Variants in DARS2 observed in about 807,000 individuals in gnomAD.
The protein encoded by DARS2 is aspartate--tRNA ligase, mitochondrial.
Under a neutral mutation model 83.0 loss-of-function variants are expected in DARS2, and 63 were observed. That is an observed-to-expected ratio of 0.76 (90% CI 0.62 to 0.94). The LOEUF is 0.94. DARS2 is among the 40% of genes least tolerant of loss of function. DARS2 has a pLI of 0.00. For synonymous variants in DARS2, 250 were observed against 269.3 expected, an observed-to-expected ratio of 0.93 and a Z score of 0.70; for missense variants, 675 against 774.4, an observed-to-expected ratio of 0.87 and a Z score of 1.52.
Position 173,828,409 on chromosome 1 carries a change from A to C in DARS2, c.294+10A>C, listed in dbSNP as rs1315280508. 6.2e-7 allele frequency: 1 copy of C among 1,610,526 alleles called. No individual in the cohort carries two copies. The highest frequency in any genetic ancestry group is 1.3e-5 in the African/African-American group (1 of 74,874). The stretch of plus-strand genomic sequence containing the variant: ...CATTCCCCAGGATGAGGTAATAGAA[A>C]ATTTCCTGTTATTATCTAAAAGCTT... On this transcript the variant is annotated intron_variant, in intron 3 of 16. Coordinates refer to ENST00000649689, the MANE Select transcript of DARS2 (RefSeq NM_018122.5).
At chr1:173,856,847 C>G (rs995750980) in intron 16 of DARS2, 106 bp downstream of exon 16, 5 of 788,404 alleles carry the variant, frequency 6.3e-6, no homozygotes, top group African/African-American at 1.7e-5. Context: ...TCCAAGAGTT[C>G]CATGAGAATG....
chr1:173,830,672 G>C lies in DARS2; in HGVS notation c.307G>C (p.Val103Leu). 7.4e-6 allele frequency: 12 copies of C among 1,613,866 alleles called. No individual in the cohort carries two copies. The highest frequency in any genetic ancestry group is 1.0e-5 in the Non-Finnish European group (12 of 1,179,794). Residue 103 changes from valine (V) to leucine (L), a missense_variant, in exon 4 of 17, where the codon GTG becomes CTG. Coordinates refer to ENST00000649689, the MANE Select transcript of DARS2 (RefSeq NM_018122.5). The stretch of plus-strand genomic sequence containing the variant: ...CCTTGTTCTGTAGTCGGCAGCCTCT[G>C]TGAAGAAGATTTTATGTGAAGCCCC... ...IIPQDESAAS[V>L]KKILCEAPVE...
chr1:173,835,059 G>C (rs1163533901), intron 7 of DARS2, among the ~76,000 whole-genome samples: 1 of 151,730 alleles, frequency 6.6e-6, no homozygotes, highest in Non-Finnish European at 1.5e-5. Context: ...TGGGATTACA[G>C]GTGTGAGCCA....
At chr1:173,834,155 C>T (rs1652893911) in intron 6 of DARS2, among the ~76,000 whole-genome samples, 1 of 152,104 alleles carries the variant, frequency 6.6e-6, no homozygotes, top group Non-Finnish European at 1.5e-5. Context: ...CAGTCCTGGA[C>T]TTTTTCTGCT....
In DARS2 at chr1:173,832,227, A is replaced by C. The variant is rs529565778; in HGVS notation, c.492+597A>C. 2.2e-3 allele frequency among the ~76,000 whole-genome samples: 333 copies of C among 152,270 alleles called. 2 individuals are homozygous for C. The highest frequency in any genetic ancestry group is 7.5e-3 in the African/African-American group (313 of 41,540). On this transcript the variant is annotated intron_variant, in intron 5 of 16. Transcript: ENST00000649689. ...GTCTTAATTAATTAGTCTTACATTT[A>C]AGTTCATGGCCAATTAGTCTTACAT...
intron 12 of DARS2, 56 bp downstream of exon 12, chr1:173,845,347 A>G (rs1422707709): frequency 2.7e-6 from 3 of 1,104,692 alleles, no homozygotes; most frequent in East Asian, 2.4e-5. Flanking sequence ...ATTTTTAACT[A>G]TTATTAACTA....
At chr1:173,851,403 T>C (rs1262192146) in intron 13 of DARS2, among the ~76,000 whole-genome samples, 1 of 152,140 alleles carries the variant, frequency 6.6e-6, no homozygotes, top group Non-Finnish European at 1.5e-5. Context: ...AGTGTCAAGA[T>C]TTCACAAATG....
At chr1:173,847,659 C>A (rs1023553253) in intron 12 of DARS2, among the ~76,000 whole-genome samples, 1 of 152,028 alleles carries the variant, frequency 6.6e-6, no homozygotes, top group Non-Finnish European at 1.5e-5. Context: ...TTTGCTCTAG[C>A]CTGCCCCATC....
intron 7 of DARS2, among the ~76,000 whole-genome samples, chr1:173,834,792 T>G (rs1371837596): frequency 7.2e-6 from 1 of 138,902 alleles, no homozygotes; most frequent in Non-Finnish European, 1.5e-5. Context: ...GTTTTTTTTT[T>G]TTTTTTGAGA....
At chr1:173,839,590 T>C in intron 10 of DARS2, 44 bp downstream of exon 10, 1 of 1,578,278 alleles carries the variant, frequency 6.3e-7, no homozygotes, top group Non-Finnish European at 8.7e-7. Flanking sequence ...CAAATAATCC[T>C]GCAGTCTTTT....
intron 13 of DARS2, among the ~76,000 whole-genome samples, chr1:173,853,013 A>C (rs1653728821): frequency 6.6e-6 from 1 of 152,156 alleles, no homozygotes; most frequent in African/African-American, 2.4e-5. Flanking sequence ...TTTGGAGTTG[A>C]TATTTTTATC....
chr1:173,838,641 T>G (rs1342398292), intron 9 of DARS2, among the ~76,000 whole-genome samples: 1 of 151,986 alleles, frequency 6.6e-6, no homozygotes, highest in African/African-American at 2.4e-5. Flanking sequence ...TATGAATAAT[T>G]TTATATATTG....
chr1:173,838,045 T>G, intron 8 of DARS2, 145 bp from the exon 9 acceptor site: 1 of 692,018 alleles, frequency 1.4e-6, no homozygotes, highest in Non-Finnish European at 2.6e-6. Flanking sequence ...AGTGCTGGGA[T>G]TATAGGTATG....
chr1:173,835,856 C>A (rs1174757195), intron 7 of DARS2, among the ~76,000 whole-genome samples: 1 of 151,996 alleles, frequency 6.6e-6, no homozygotes, highest in Non-Finnish European at 1.5e-5. Context: ...GAGTTTAAGA[C>A]CCGCCTGACC....
intron 1 of DARS2, among the ~76,000 whole-genome samples, chr1:173,826,080 C>G (rs1404616167): frequency 6.6e-6 from 1 of 151,784 alleles, no homozygotes; most frequent in Admixed American, 6.6e-5. Flanking sequence ...AAAAATTAGC[C>G]GGGCGTGGTG....
chr1:173,838,092 A>G, intron 8 of DARS2, 98 bp from the exon 9 acceptor site: 1 of 985,554 alleles, frequency 1.0e-6, no homozygotes, highest in Non-Finnish European at 1.6e-6. Context: ...TTTTTTAAGT[A>G]TCATTGTTTT....
Position 173,835,188 on chromosome 1 carries a change from C to G in DARS2, c.663+669C>G, listed in dbSNP as rs114053466. Among the ~76,000 whole-genome samples, 830 of 151,836 alleles carry G rather than the reference C, an allele frequency of 5.5e-3. 5 individuals are homozygous for G. The highest frequency in any genetic ancestry group is 0.017 in the African/African-American group (722 of 41,408). On this transcript the variant is annotated intron_variant, in intron 7 of 16. Transcript: ENST00000649689. ...GTCACCTGAATCCGCCTACTGGATTCAAGTGATTCTTCTGCCTCAGCCTCC... is the reference window on the plus strand; with the variant it reads ...GTCACCTGAATCCGCCTACTGGATTGAAGTGATTCTTCTGCCTCAGCCTCC...
intron 7 of DARS2, among the ~76,000 whole-genome samples, chr1:173,835,781 C>T (rs905667836): frequency 6.6e-6 from 1 of 151,664 alleles, no homozygotes; most frequent in Non-Finnish European, 1.5e-5. Context: ...AGGCCAGGCA[C>T]GGTGGTTCAC....
rs901514851 is a variant in DARS2 at position 173,852,543 on chromosome 1, C to T, written c.1345-806C>T. ...TTTTGAGATGGTCTCACTCTGTTGC[C>T]CAGGCTGGAGTACAGTGGTGTGATC... On this transcript the variant is annotated intron_variant, in intron 13 of 16. Coordinates refer to ENST00000649689, the MANE Select transcript of DARS2 (RefSeq NM_018122.5). 2.4e-4 allele frequency among the ~76,000 whole-genome samples: 37 copies of T among 151,646 alleles called. 1 individual carries two copies. Among genetic ancestry groups the T allele is most frequent in the African/African-American group, 9.0e-4 (37 of 41,232 alleles).
Sources: gnomAD v4.1 joint callset for allele counts (sites outside exome capture counted in the v4.1 genomes callset) on GRCh38, gnomAD v4.1.1 for gene constraint, MANE v1.5 for transcripts, NCBI Gene and HGNC (gene_info 2026-07-23, HGNC 2026-07-21) for gene names.